UBE2O: variants seen among roughly 807,000 people sequenced by gnomAD.
The protein encoded by UBE2O is (E3-independent) E2 ubiquitin-conjugating enzyme.
Under a neutral mutation model 125.8 loss-of-function variants are expected in UBE2O, and 15 were observed. The observed-to-expected ratio is 0.12, with a 90% CI of 0.08 to 0.18. UBE2O has a LOEUF of 0.18. Ranked by LOEUF, UBE2O falls within the 10% of genes least tolerant of loss-of-function variation. The probability of loss-of-function intolerance (pLI) is 1.00; values close to 1 mark genes in which losing one functional copy is unlikely to be tolerated. For missense variants in UBE2O, 1,280 were observed against 1,723.6 expected (o/e 0.74, Z 4.56); for synonymous variants, 708 against 703.2 (o/e 1.01, Z -0.11).
intron 1 of UBE2O, among the ~76,000 whole-genome samples, chr17:76,434,186 C>T (rs936351146): frequency 6.6e-6 from 1 of 152,112 alleles, no homozygotes; most frequent in African/African-American, 2.4e-5. Flanking sequence ...GAAATGACCC[C>T]GAGGATCCCT....
chr17:76,425,934 C>A (rs915070536), intron 1 of UBE2O, among the ~76,000 whole-genome samples: 1 of 152,106 alleles, frequency 6.6e-6, no homozygotes, highest in African/African-American at 2.4e-5. Flanking sequence ...GGGAAAAGTC[C>A]CTGGTTTTGG....
intron 1 of UBE2O, among the ~76,000 whole-genome samples, chr17:76,446,788 G>A (rs777928462): frequency 6.6e-5 from 10 of 152,228 alleles, no homozygotes; most frequent in Non-Finnish European, 1.2e-4. Flanking sequence ...GCTCTAGGAG[G>A]TGGAGTTGGG....
In UBE2O at chr17:76,396,212, G is replaced by A. The variant is rs932777421; in HGVS notation, c.2725C>T (p.Leu909=). Reference sequence around the variant, plus strand: ...GGCTTGCCGCCACACTGCTGGCACAGCACCGGGGTTTCGCTGGGCCACTCA... The same window carrying A: ...GGCTTGCCGCCACACTGCTGGCACAACACCGGGGTTTCGCTGGGCCACTCA... ...KAEWPSETPV[L]CQQCGGKPGV... Residue 909 remains leucine (L), a synonymous_variant, in exon 14 of 18, where the codon CTG becomes TTG. Coordinates refer to ENST00000319380, the MANE Select transcript of UBE2O (RefSeq NM_022066.4). This position sits in a 1 kb window ranked among gnomAD's most constrained non-coding sequence, Gnocchi z 6.7. 4 of 1,614,046 alleles carry A rather than the reference G, an allele frequency of 2.5e-6. No homozygotes were observed. The highest frequency in any genetic ancestry group is 3.4e-6 in the Non-Finnish European group (4 of 1,180,054).
intron 1 of UBE2O, among the ~76,000 whole-genome samples, chr17:76,409,299 C>CA (rs1332942233): frequency 6.6e-6 from 1 of 151,594 alleles, no homozygotes; most frequent in African/African-American, 2.4e-5. Context: ...TCGTAACTAT[C>CA]AGAGGTTTCT....
At chr17:76,446,462 C>CA (rs11325407) in intron 1 of UBE2O, among the ~76,000 whole-genome samples, 9 of 151,404 alleles carry the variant, frequency 5.9e-5, no homozygotes, top group African/African-American at 2.2e-4. Context: ...CAAAAACAAA[C>CA]AAAAAAAAAA....
At chr17:76,451,764 T>A (rs2073247265) in intron 1 of UBE2O, among the ~76,000 whole-genome samples, 1 of 143,802 alleles carries the variant, frequency 7.0e-6, no homozygotes, top group African/African-American at 2.7e-5. Context: ...AAAGAAGGGG[T>A]GTGAGATACA....
chr17:76,415,531 G>A (rs2072585351), intron 1 of UBE2O, among the ~76,000 whole-genome samples: 1 of 152,168 alleles, frequency 6.6e-6, no homozygotes, highest in African/African-American at 2.4e-5. Flanking sequence ...TGGGCCTGGC[G>A]AGGTGGCTCA....
chr17:76,398,703 C>A lies in UBE2O; in HGVS notation c.1784-119G>T. 1 of 1,439,818 alleles carries A rather than the reference C, an allele frequency of 6.9e-7. No individual in the cohort carries two copies. Among genetic ancestry groups the A allele is most frequent in the East Asian group, 2.3e-5 (1 of 43,908 alleles). 89.2% of individuals were successfully genotyped at this position (1,439,818 alleles called of 1,614,324 possible). The stretch of plus-strand genomic sequence containing the variant: ...CCCCCGTCTTGGAAGTGGTGAGACC[C>A]CTTCATGAGGGCAGTCCCCTTCTGG... On this transcript the variant is annotated intron_variant, in intron 10 of 17. Transcript: ENST00000319380. The surrounding 1 kb of genome is among the most constrained non-coding windows in gnomAD (Gnocchi z 5.4).
intron 1 of UBE2O, among the ~76,000 whole-genome samples, chr17:76,432,915 A>T (rs751262022): frequency 3.9e-4 from 59 of 152,350 alleles, no homozygotes; most frequent in Non-Finnish European, 6.6e-4. Flanking sequence ...GATGGCTATA[A>T]ACAAAGTGAC....
intron 1 of UBE2O, among the ~76,000 whole-genome samples, chr17:76,448,127 G>A (rs1489942523): frequency 6.6e-6 from 1 of 152,202 alleles, no homozygotes; most frequent in Non-Finnish European, 1.5e-5. Context: ...TTCATCTGGG[G>A]AAAGTACCCT....
intron 3 of UBE2O, among the ~76,000 whole-genome samples, chr17:76,403,085 G>A (rs941008057): frequency 2.6e-5 from 4 of 152,238 alleles, no homozygotes; most frequent in East Asian, 1.9e-4. Flanking sequence ...GTGGCTACAT[G>A]GACAGTGCTC....
At chr17:76,430,653 C>A (rs375471685) in intron 1 of UBE2O, 11 of 329,980 alleles carry the variant, frequency 3.3e-5, no homozygotes, top group Admixed American at 6.8e-5. Context: ...GATTTTGCCA[C>A]GGCCATGCTT....
intron 1 of UBE2O, among the ~76,000 whole-genome samples, chr17:76,440,426 CAA>C (rs2073060951): frequency 6.6e-6 from 1 of 152,214 alleles, no homozygotes; most frequent in African/African-American, 2.4e-5. Context: ...CGCCAGGACT[CAA>C]GCGATCCTCT....
intron 1 of UBE2O, among the ~76,000 whole-genome samples, chr17:76,414,602 G>A (rs2072568847): frequency 6.6e-6 from 1 of 152,218 alleles, no homozygotes. Flanking sequence ...ATACAGTGCT[G>A]CTGCATCACC....
intron 1 of UBE2O, among the ~76,000 whole-genome samples, chr17:76,415,303 T>C (rs1294009707): frequency 6.6e-6 from 1 of 152,098 alleles, no homozygotes; most frequent in Non-Finnish European, 1.5e-5. Flanking sequence ...CTCCCAACCC[T>C]ATGACCCCCA....
At position 76,452,807 on chromosome 17, in the gene UBE2O, C is replaced by G. The variant is rs1476346136; in HGVS notation, c.335G>C (p.Gly112Ala). 2 of 1,517,838 alleles carry G rather than the reference C, an allele frequency of 1.3e-6. No individual in the cohort carries two copies. Among genetic ancestry groups the G allele is most frequent in the Non-Finnish European group, 1.8e-6 (2 of 1,136,146 alleles). 94.0% of individuals were successfully genotyped at this position (1,517,838 alleles called of 1,614,324 possible). The change falls in exon 1 of 18, where the codon GGC (glycine) becomes GCC (alanine). Residue 112 changes from glycine to alanine, a missense_variant. Physicochemically the swap from Gly to Ala is moderately conservative, Grantham distance 60. Around this residue, in one of 10 missense-constraint regions of UBE2O, gnomAD observed 188 missense variants for 192.5 expected, o/e 0.98. Coordinates refer to ENST00000319380, the MANE Select transcript of UBE2O (RefSeq NM_022066.4). The surrounding 1 kb of genome is among the most constrained non-coding windows in gnomAD (Gnocchi z 4.4). ...GCCGCGGCGCAGGGGGCTGGCCCGG[C>G]CCTCCTCGTGGCCCGCGCCCCCGGC... ...SEAGGAGHEE[G>A]RASPLRRGYV... is the part of the protein sequence containing the mutation.
chr17:76,450,521 T>A (rs1282128969), intron 1 of UBE2O, among the ~76,000 whole-genome samples: 2 of 151,964 alleles, frequency 1.3e-5, no homozygotes, highest in East Asian at 3.8e-4. Flanking sequence ...AATGACAAAA[T>A]ACCACCACCG....
intron 1 of UBE2O, among the ~76,000 whole-genome samples, chr17:76,409,427 C>CG (rs1477751201): frequency 6.6e-6 from 1 of 151,360 alleles, no homozygotes; most frequent in Non-Finnish European, 1.5e-5. Context: ...GACAGAGTCT[C>CG]GCTTTGTCGC....
chr17:76,397,923 G>A, intron 12 of UBE2O, 35 bp from the exon 13 acceptor site: 6 of 1,607,580 alleles, frequency 3.7e-6, no homozygotes, highest in East Asian at 2.2e-5. Flanking sequence ...AGGGGGCCCA[G>A]CTCAAGCTCC....
Sources: gnomAD v4.1 joint callset for allele counts (sites outside exome capture counted in the v4.1 genomes callset) on GRCh38, gnomAD v4.1.1 for gene constraint, gnomAD v4.1.1 regional missense constraint, Gnocchi (gnomAD v3.1) non-coding constraint, MANE v1.5 for transcripts, NCBI Gene and HGNC (gene_info 2026-07-23, HGNC 2026-07-21) for gene names.